Variants in CHST9 observed in about 807,000 individuals in gnomAD.
CHST9 encodes carbohydrate sulfotransferase 9.
In CHST9, 41 loss-of-function variants were observed where a neutral mutation model predicts 44.4. That is an observed-to-expected ratio of 0.92 (90% CI 0.72 to 1.20). The LOEUF (loss-of-function observed/expected upper bound fraction) is 1.20. Ranked by LOEUF, CHST9 falls within the 50% of genes most tolerant of loss-of-function variation. The pLI, the probability that CHST9 is intolerant of heterozygous loss-of-function variation, is 0.00. For synonymous variants in CHST9, 171 were observed against 178.4 expected (o/e 0.96, Z 0.33); for missense variants, 504 against 516.5 (o/e 0.98, Z 0.23).
At chr18:27,049,939 G>A (rs1445339496) in intron 2 of CHST9, among the ~76,000 whole-genome samples, 1 of 152,124 alleles carries the variant, frequency 6.6e-6, no homozygotes. Flanking sequence ...TAGGCCCACG[G>A]GAAGTCAGAA....
intron 2 of CHST9, among the ~76,000 whole-genome samples, chr18:27,104,928 A>G (rs928783592): frequency 6.6e-6 from 1 of 152,152 alleles, no homozygotes; most frequent in African/African-American, 2.4e-5. Context: ...CACTAAAGAC[A>G]TAGTTGTTAA....
intron 4 of CHST9, among the ~76,000 whole-genome samples, chr18:26,951,097 C>T (rs992307271): frequency 8.5e-5 from 13 of 152,286 alleles, no homozygotes; most frequent in African/African-American, 2.2e-4. Flanking sequence ...AGGCAGGTTG[C>T]GCACACTGTT....
intron 4 of CHST9, among the ~76,000 whole-genome samples, chr18:26,974,830 C>T (rs1244356177): frequency 2.0e-5 from 3 of 152,122 alleles, no homozygotes; most frequent in Admixed American, 6.5e-5. Flanking sequence ...TGTGCCACCA[C>T]GCCCGGCTAA....
In CHST9 at chr18:26,915,539, GT is replaced by G. The variant is rs1237289704; in HGVS notation, c.*719del. The G allele has an allele frequency of 6.6e-6, 1 of 152,098 alleles. No individual in the cohort carries two copies. The highest frequency in any genetic ancestry group is 1.5e-5 in the Non-Finnish European group (1 of 67,986). The allele number at this position is 152,098 out of a possible 1,614,324, so 9.4% of individuals were successfully genotyped here. A position where few individuals can be genotyped will look rare whatever the true frequency, so the allele number is the denominator to read the frequency against. On this transcript the variant is annotated 3_prime_UTR_variant, in exon 6 of 6. Coordinates refer to ENST00000618847, the MANE Select transcript of CHST9 (RefSeq NM_031422.6). Reference sequence around the variant, plus strand: ...CCTGCTTCAGAAATGTAGACCTTTAGTGCTTGTGTTCATTTTGTCTCTTTGT... The same window carrying G: ...CCTGCTTCAGAAATGTAGACCTTTAGGCTTGTGTTCATTTTGTCTCTTTGT...
In CHST9 at chr18:26,912,712, A is replaced by G. The variant is rs1210963759; in HGVS notation, c.*3547T>C. The G allele has an allele frequency of 6.6e-6, 1 of 152,186 alleles. No individual in the cohort carries two copies. Among genetic ancestry groups the G allele is most frequent in the Admixed American group, 6.5e-5 (1 of 15,282 alleles). 9.4% of individuals were successfully genotyped at this position (152,186 alleles called of 1,614,324 possible). A position where few individuals can be genotyped will look rare whatever the true frequency, so the allele number is the denominator to read the frequency against. On this transcript the variant is annotated 3_prime_UTR_variant, in exon 6 of 6. Transcript: ENST00000618847. The stretch of plus-strand genomic sequence containing the variant: ...TAGACTGGCTATGGAGATTAAATTA[A>G]TGCATGTAAACTACTTGAAGAGTGC...
Position 26,917,218 on chromosome 18 carries a change from T to C in CHST9, c.373A>G (p.Thr125Ala), listed in dbSNP as rs550306611. 13 of 1,613,952 alleles carry C rather than the reference T, an allele frequency of 8.1e-6. No individual in the cohort carries two copies. In the South Asian group the frequency reaches 1.4e-4, roughly 18 times the overall value. ...QGGDQALSKS[T>A]GSPTEKLIEK... ...ATCAACTTCTCTGTTGGTGACCCTG[T>C]GGACTTACTTAAAGCTTGATCCCCT... is the stretch of plus-strand genomic sequence containing the variant. The change falls in exon 6 of 6, where the codon ACA (threonine) becomes GCA (alanine). Residue 125 changes from threonine (T) to alanine (A), a missense_variant. By Grantham distance (58) the Thr-to-Ala change is moderately conservative. Transcript: ENST00000618847.
At chr18:27,015,358 T>TGC (rs1555676768) in intron 4 of CHST9, among the ~76,000 whole-genome samples, 89 of 149,744 alleles carry the variant, frequency 5.9e-4, no homozygotes, top group African/African-American at 2.1e-3. Flanking sequence ...TGTGTGTGTG[T>TGC]GCAGGCACTA....
intron 4 of CHST9, among the ~76,000 whole-genome samples, chr18:27,021,903 T>A (rs1303717038): frequency 6.6e-6 from 1 of 152,204 alleles, no homozygotes; most frequent in Admixed American, 6.5e-5. Context: ...CACTACAATC[T>A]TGAACTCTTG....
Position 26,916,161 on chromosome 18 carries a change from G to C in CHST9, c.*98C>G. Reference sequence around the variant, plus strand: ...ACATTAAATCAAGACAACTGCACTTGGTTAAATTTCTGTCATACAGAGAAT... The same window carrying C: ...ACATTAAATCAAGACAACTGCACTTCGTTAAATTTCTGTCATACAGAGAAT... On this transcript the variant is annotated 3_prime_UTR_variant, in exon 6 of 6. Coordinates refer to ENST00000618847, the MANE Select transcript of CHST9 (RefSeq NM_031422.6). 1 of 989,140 alleles carries C rather than the reference G, an allele frequency of 1.0e-6. No homozygotes were observed. Among genetic ancestry groups the C allele is most frequent in the Non-Finnish European group, 1.5e-6 (1 of 667,166 alleles). The allele number at this position is 989,140 out of a possible 1,614,324, so 61.3% of individuals were successfully genotyped here. A position where few individuals can be genotyped will look rare whatever the true frequency, so the allele number is the denominator to read the frequency against.
At position 27,053,277 on chromosome 18, in the gene CHST9, AAGGAGAAGG is replaced by A. The variant is rs1568151304; in HGVS notation, c.122-4783_122-4775del. Reference sequence around the variant, plus strand: ...GAAGAAGAAGGAGAAGGAGAAGGAGAAGGAGAAGGAGAAGGAGAAGGAGAAGGAGAAGGA... The same window carrying A: ...GAAGAAGAAGGAGAAGGAGAAGGAGAAGAAGGAGAAGGAGAAGGAGAAGGA... On this transcript the variant is annotated intron_variant, in intron 2 of 5. Transcript: ENST00000618847. Among the ~76,000 whole-genome samples, 18 of 132,310 alleles carry A rather than the reference AAGGAGAAGG, an allele frequency of 1.4e-4. 1 individual carries two copies. The highest frequency in any genetic ancestry group is 5.1e-4 in the African/African-American group (18 of 35,162). The allele number at this position is 132,310 out of a possible 152,430, so 86.8% of individuals were successfully genotyped here. A position where few individuals can be genotyped will look rare whatever the true frequency, so the allele number is the denominator to read the frequency against.
chr18:27,148,009 T>A (rs2058628151), intron 1 of CHST9, among the ~76,000 whole-genome samples: 1 of 152,080 alleles, frequency 6.6e-6, no homozygotes, highest in African/African-American at 2.4e-5. Flanking sequence ...ACCCTCTCCA[T>A]CCTCCCAAAT....
intron 4 of CHST9, among the ~76,000 whole-genome samples, chr18:26,950,343 A>G (rs570743677): frequency 6.6e-6 from 1 of 152,350 alleles, no homozygotes; most frequent in African/African-American, 2.4e-5. Context: ...AAGGACAGCC[A>G]GCATTCTAAG....
intron 1 of CHST9, among the ~76,000 whole-genome samples, chr18:27,149,378 C>T (rs1339965725): frequency 6.6e-6 from 1 of 152,102 alleles, no homozygotes; most frequent in Admixed American, 6.6e-5. Flanking sequence ...TGATCTCATT[C>T]TTTTTCATGG....
chr18:27,087,390 T>C (rs946769037), intron 2 of CHST9, among the ~76,000 whole-genome samples: 2 of 152,192 alleles, frequency 1.3e-5, no homozygotes, highest in African/African-American at 4.8e-5. Context: ...AAAATCACCT[T>C]TCTAACTGAG....
rs28693844 is a variant in CHST9, at chr18:27,142,875, G to A, written c.-66C>T. The A allele has an allele frequency of 3.0e-3, 4,401 of 1,491,418 alleles. 61 individuals carry two copies. The African/African-American group carries it at 0.036, about 12-fold the overall frequency. The allele number at this position is 1,491,418 out of a possible 1,614,324, so 92.4% of individuals were successfully genotyped here. A position where few individuals can be genotyped will look rare whatever the true frequency, so the allele number is the denominator to read the frequency against. On this transcript the variant is annotated 5_prime_UTR_variant, in exon 2 of 6. Transcript: ENST00000618847. ...TCCCGTAAAACTTCAGTCTTTTCTT[G>A]TTCTCTAAGAGCCCAATTCCATAAA...
intron 2 of CHST9, among the ~76,000 whole-genome samples, chr18:27,067,389 A>G (rs956209359): frequency 2.6e-5 from 4 of 152,246 alleles, no homozygotes; most frequent in Non-Finnish European, 4.4e-5. Context: ...TGGCAGGAAC[A>G]ACACACTGCT....
intron 4 of CHST9, among the ~76,000 whole-genome samples, chr18:26,962,506 G>A (rs1013095938): frequency 5.3e-5 from 8 of 152,116 alleles, no homozygotes; most frequent in African/African-American, 1.9e-4. Flanking sequence ...GGCCAGGCTG[G>A]TCTTGAACTC....
intron 2 of CHST9, among the ~76,000 whole-genome samples, chr18:27,113,047 G>T (rs1162548094): frequency 6.6e-6 from 1 of 152,056 alleles, no homozygotes; most frequent in African/African-American, 2.4e-5. Context: ...AAATTAGCCG[G>T]GCGTGGTGGT....
Position 26,912,932 on chromosome 18 carries a change from C to T in CHST9, c.*3327G>A, listed in dbSNP as rs1432790395. 1 of 152,198 alleles carries T rather than the reference C, an allele frequency of 6.6e-6. No homozygotes were observed. The highest frequency in any genetic ancestry group is 2.4e-5 in the African/African-American group (1 of 41,444). 9.4% of individuals were successfully genotyped at this position (152,198 alleles called of 1,614,324 possible). ...AATCCTTTTTCAAGTATCAGAGCAT[C>T]TTGGGAGGGTTAGCCCTGGGCAAAA... is the stretch of plus-strand genomic sequence containing the variant. On this transcript the variant is annotated 3_prime_UTR_variant, in exon 6 of 6. Transcript: ENST00000618847.
Sources: allele counts gnomAD v4.1 joint callset (sites outside exome capture counted in the v4.1 genomes callset), GRCh38; gene constraint gnomAD v4.1.1; transcripts MANE v1.5; gene names NCBI Gene and HGNC (gene_info 2026-07-23, HGNC 2026-07-21).